Variants in CSMD2 observed in about 807,000 individuals in gnomAD.
The protein encoded by CSMD2 is CUB and sushi domain-containing protein 2.
Under a neutral mutation model 398.5 loss-of-function variants are expected in CSMD2, and 130 were observed. The ratio of observed to expected loss-of-function variants is 0.33; its 90% CI spans 0.28 to 0.38. CSMD2 has a LOEUF of 0.38. Among genes scored for constraint, CSMD2 ranks in the 10% least tolerant of loss-of-function variants. CSMD2 has a pLI of 1.00. For synonymous variants in CSMD2, 1,828 were observed against 1,908.5 expected, an observed-to-expected ratio of 0.96 and a Z score of 1.10; for missense variants, 3,829 against 4,764.9, an observed-to-expected ratio of 0.80 and a Z score of 5.78.
intron 11 of CSMD2, among the ~76,000 whole-genome samples, chr1:33,789,006 G>A (rs1653895734): frequency 6.6e-6 from 1 of 152,116 alleles, no homozygotes; most frequent in African/African-American, 2.4e-5. Flanking sequence ...ACTTGCTCAG[G>A]GGACAGGGAT....
chr1:33,789,865 C>T (rs892919934), intron 11 of CSMD2, among the ~76,000 whole-genome samples: 7 of 152,172 alleles, frequency 4.6e-5, no homozygotes, highest in African/African-American at 1.7e-4. Flanking sequence ...AGGCTGGGAC[C>T]CCTGCTTTTC....
At chr1:33,913,505 T>C (rs1013571174) in intron 5 of CSMD2, among the ~76,000 whole-genome samples, 4 of 152,210 alleles carry the variant, frequency 2.6e-5, no homozygotes, top group Admixed American at 2.6e-4. Flanking sequence ...TCCAGGAGTA[T>C]TGTACTTATG....
intron 5 of CSMD2, among the ~76,000 whole-genome samples, chr1:33,861,518 C>T (rs1031705680): frequency 1.3e-5 from 2 of 152,178 alleles, no homozygotes; most frequent in Non-Finnish European, 2.9e-5. Flanking sequence ...GTGGTCTGGT[C>T]ATGCTACTGT....
At chr1:34,128,035 T>G (rs938111958) in intron 1 of CSMD2, among the ~76,000 whole-genome samples, 4 of 152,134 alleles carry the variant, frequency 2.6e-5, no homozygotes, top group Middle Eastern at 3.2e-3. Flanking sequence ...CTTGATTTCT[T>G]CCTTGTGGGA....
chr1:34,006,809 C>T (rs1316823612), intron 3 of CSMD2, among the ~76,000 whole-genome samples: 2 of 152,044 alleles, frequency 1.3e-5, no homozygotes, highest in South Asian at 2.1e-4. Context: ...AGTGTGGAGT[C>T]GTAACTACCC....
intron 1 of CSMD2, among the ~76,000 whole-genome samples, chr1:34,139,259 G>C (rs1341802996): frequency 6.6e-6 from 1 of 152,118 alleles, no homozygotes; most frequent in African/African-American, 2.4e-5. Flanking sequence ...CATGGGAGTG[G>C]AAGTGGTGGC....
chr1:33,885,746 T>C (rs1367153290), intron 5 of CSMD2, among the ~76,000 whole-genome samples: 3 of 152,188 alleles, frequency 2.0e-5, no homozygotes, highest in Non-Finnish European at 2.9e-5. Context: ...TTACAAAATA[T>C]GTGTATGGAG....
At chr1:34,092,160 A>G (rs2148377434) in intron 1 of CSMD2, among the ~76,000 whole-genome samples, 1 of 152,336 alleles carries the variant, frequency 6.6e-6, no homozygotes, top group East Asian at 1.9e-4. Flanking sequence ...CTTAACAAGA[A>G]GTGTGCAGGC....
chr1:33,660,976 A>G (rs1475839361), intron 26 of CSMD2, among the ~76,000 whole-genome samples: 1 of 152,170 alleles, frequency 6.6e-6, no homozygotes, highest in East Asian at 1.9e-4. Context: ...GGGCTATAGC[A>G]GTTTTACTCT....
In CSMD2 at chr1:33,700,438, G is replaced by A. The variant is rs548021754; in HGVS notation, c.3733+79C>T. 3.7e-4 allele frequency: 550 copies of A among 1,491,734 alleles called. 3 individuals carry two copies. The South Asian group carries it at 6.3e-3, about 17-fold the overall frequency. 92.4% of individuals were successfully genotyped at this position (1,491,734 alleles called of 1,614,324 possible). A position where few individuals can be genotyped will look rare whatever the true frequency, so the allele number is the denominator to read the frequency against. On this transcript the variant is annotated intron_variant, in intron 23 of 70. Coordinates refer to ENST00000373381, the MANE Select transcript of CSMD2 (RefSeq NM_001281956.2). ...TAAGAGCACATTCTTTGTATCTCGT[G>A]AGCAAGCAGAAGCTCAAATAAATGA...
intron 7 of CSMD2, among the ~76,000 whole-genome samples, chr1:33,824,604 T>C (rs1197801057): frequency 6.6e-6 from 1 of 151,252 alleles, no homozygotes. Context: ...TGCCACTCTA[T>C]GCCCTTCTCT....
chr1:33,896,238 G>A (rs1301625485), intron 5 of CSMD2, among the ~76,000 whole-genome samples: 1 of 152,024 alleles, frequency 6.6e-6, no homozygotes, highest in African/African-American at 2.4e-5. Context: ...GGGGTAGGAG[G>A]GTAAGGAGGG....
intron 1 of CSMD2, 95 bp from the exon 2 acceptor site, chr1:34,089,288 A>C (rs1433242131): frequency 8.1e-7 from 1 of 1,232,354 alleles, no homozygotes; most frequent in Admixed American, 2.0e-5. Flanking sequence ...TCATGAACCC[A>C]CTTTTCCAAG....
chr1:33,990,121 A>G (rs1646499406), intron 3 of CSMD2, among the ~76,000 whole-genome samples: 1 of 151,910 alleles, frequency 6.6e-6, no homozygotes, highest in Non-Finnish European at 1.5e-5. Context: ...AAATACAAAA[A>G]ATTAGCCTGG....
intron 12 of CSMD2, among the ~76,000 whole-genome samples, chr1:33,778,997 A>G (rs939796189): frequency 5.9e-5 from 9 of 151,432 alleles, no homozygotes; most frequent in Non-Finnish European, 1.3e-4. Flanking sequence ...AGCCCTTGCA[A>G]CTCCTCATCT....
intron 62 of CSMD2, among the ~76,000 whole-genome samples, chr1:33,536,728 C>T (rs1360003358): frequency 6.6e-6 from 1 of 152,224 alleles, no homozygotes; most frequent in Non-Finnish European, 1.5e-5. Flanking sequence ...AGAGGTCTCA[C>T]TCATTTCCGT....
At chr1:33,722,564 G>C (rs1437466459) in intron 19 of CSMD2, among the ~76,000 whole-genome samples, 3 of 152,092 alleles carry the variant, frequency 2.0e-5, no homozygotes, top group African/African-American at 7.2e-5. Context: ...CTGTTACAAA[G>C]TGTTACTTTA....
chr1:34,127,230 G>A (rs1662842702), intron 1 of CSMD2, among the ~76,000 whole-genome samples: 1 of 152,124 alleles, frequency 6.6e-6, no homozygotes, highest in East Asian at 1.9e-4. Context: ...AAGAACCAGA[G>A]ACTGAGTATG....
intron 5 of CSMD2, among the ~76,000 whole-genome samples, chr1:33,850,240 C>A (rs1414775621): frequency 6.6e-6 from 1 of 152,160 alleles, no homozygotes; most frequent in African/African-American, 2.4e-5. Context: ...CACACACACA[C>A]ACACAGTTCT....
Sources: allele counts gnomAD v4.1 joint callset (sites outside exome capture counted in the v4.1 genomes callset), GRCh38; gene constraint gnomAD v4.1.1; transcripts MANE v1.5; gene names NCBI Gene and HGNC (gene_info 2026-07-23, HGNC 2026-07-21).